OTC: variants seen among roughly 807,000 people sequenced by gnomAD.
OTC encodes the protein ornithine transcarbamylase, mitochondrial.
In OTC, 3 loss-of-function variants were observed where a neutral mutation model predicts 30.3. That is an observed-to-expected ratio of 0.10 (90% CI 0.05 to 0.26). OTC has a LOEUF of 0.26. OTC is among the 10% of genes least tolerant of loss of function. The pLI is 1.00. For synonymous variants in OTC, 111 were observed against 99.7 expected, an observed-to-expected ratio of 1.11 and a Z score of -0.67; for missense variants, 194 against 260.3, an observed-to-expected ratio of 0.75 and a Z score of 1.75.
the OTC span, among the ~76,000 whole-genome samples, chrX:38,347,028 A>G: frequency 8.9e-6 from 1 of 112,306 alleles, no homozygotes; most frequent in Non-Finnish European, 1.9e-5. Context: ...ATTGATTTCC[A>G]TTTGCAGATA....
chrX:38,342,999 G>T, the OTC span, among the ~76,000 whole-genome samples: 1 of 111,871 alleles, frequency 8.9e-6, no homozygotes, highest in Non-Finnish European at 1.9e-5. Context: ...TCCCAAGTAG[G>T]GTCTGAAGAG....
At chrX:38,379,248 T>C (rs1486449811) in intron 3 of OTC, among the ~76,000 whole-genome samples, 1 of 111,803 alleles carries the variant, frequency 8.9e-6, no homozygotes, top group Non-Finnish European at 1.9e-5. Flanking sequence ...TGTCATTCTG[T>C]CTCTGTAGAT....
chrX:38,332,941 G>T, the OTC span, among the ~76,000 whole-genome samples: 1 of 111,336 alleles, frequency 9.0e-6, no homozygotes, highest in Non-Finnish European at 1.9e-5. Context: ...GTTTCAGGCT[G>T]GGCGCAGTGG....
intron 6 of OTC, among the ~76,000 whole-genome samples, chrX:38,406,517 C>T (rs2068516558): frequency 9.0e-6 from 1 of 111,536 alleles, no homozygotes. Flanking sequence ...GAATTCCTCT[C>T]TGTATTCTAA....
At chrX:38,358,127 G>A (rs941212697) in intron 1 of OTC, among the ~76,000 whole-genome samples, 2 of 111,461 alleles carry the variant, frequency 1.8e-5, no homozygotes, top group African/African-American at 6.5e-5. Flanking sequence ...TCTGGTGCTT[G>A]TGAACCAGAG....
intron 1 of OTC, among the ~76,000 whole-genome samples, chrX:38,362,875 G>A (rs1439306246): frequency 2.7e-5 from 3 of 111,705 alleles, no homozygotes; most frequent in Non-Finnish European, 5.6e-5. Context: ...GGAAATTGGG[G>A]AGAAAAAATT....
At chrX:38,344,858 A>G in the OTC span, among the ~76,000 whole-genome samples, 1 of 110,776 alleles carries the variant, frequency 9.0e-6, no homozygotes, top group African/African-American at 3.3e-5. Flanking sequence ...TATGTAGAAC[A>G]TTCAAAACTA....
intron 9 of OTC, among the ~76,000 whole-genome samples, chrX:38,415,406 T>C: frequency 9.0e-6 from 1 of 111,126 alleles, no homozygotes; most frequent in Non-Finnish European, 1.9e-5. Context: ...ATACAGCTTA[T>C]TTAGAATGGC....
intron 9 of OTC, among the ~76,000 whole-genome samples, chrX:38,414,657 T>C (rs972430096): frequency 8.9e-6 from 1 of 111,823 alleles, no homozygotes; most frequent in Admixed American, 9.5e-5. Flanking sequence ...GCCATAGAGA[T>C]GGCAAATGAG....
intron 1 of OTC, among the ~76,000 whole-genome samples, chrX:38,367,045 G>T (rs1439214380): frequency 8.2e-5 from 9 of 110,407 alleles, no homozygotes; most frequent in African/African-American, 2.6e-4. Context: ...AGGCTTGGTG[G>T]CATGTGCTTG....
At chrX:38,359,415 T>G (rs906166540) in intron 1 of OTC, among the ~76,000 whole-genome samples, 7 of 110,247 alleles carry the variant, frequency 6.3e-5, no homozygotes, top group Non-Finnish European at 1.3e-4. Context: ...CAACATAAAT[T>G]TTGTCTTTTT....
chrX:38,356,188 G>A (rs1362817072), intron 1 of OTC, among the ~76,000 whole-genome samples: 2 of 103,101 alleles, frequency 1.9e-5, no homozygotes, highest in Admixed American at 1.1e-4. Context: ...TAGTAATTGA[G>A]TAACGTAACT....
chrX:38,375,698 T>A lies in OTC; in HGVS notation c.299-5644T>A, dbSNP rs2068343993. Reference sequence around the variant, plus strand: ...TTAGATATATTGAGTTTGAAGTGTCTATTAGACATATAAGCAAAGATGTTA... The same window carrying A: ...TTAGATATATTGAGTTTGAAGTGTCAATTAGACATATAAGCAAAGATGTTA... On this transcript the variant is annotated intron_variant, in intron 3 of 9. Transcript: ENST00000039007. 2.7e-5 allele frequency among the ~76,000 whole-genome samples: 3 copies of A among 111,676 alleles called. No homozygotes were observed. In the South Asian group the frequency reaches 1.1e-3, roughly 43 times the overall value.
chrX:38,375,831 C>CA (rs1268341737), intron 3 of OTC, among the ~76,000 whole-genome samples: 4 of 110,854 alleles, frequency 3.6e-5, no homozygotes, highest in Non-Finnish European at 5.7e-5. Flanking sequence ...GGACTGGATA[C>CA]AATTATAAAG....
At chrX:38,415,974 A>C (rs192515766) in intron 9 of OTC, among the ~76,000 whole-genome samples, 1 of 112,526 alleles carries the variant, frequency 8.9e-6, no homozygotes, top group East Asian at 2.8e-4. Context: ...TTGGTATTGG[A>C]CAGCACAGAC....
chrX:38,328,723 T>C, the OTC span, among the ~76,000 whole-genome samples: 1 of 111,979 alleles, frequency 8.9e-6, no homozygotes, highest in Non-Finnish European at 1.9e-5. Context: ...GGATCAGTTA[T>C]GTGTGTCCCT....
intron 4 of OTC, among the ~76,000 whole-genome samples, chrX:38,398,202 C>T (rs186183465): frequency 8.9e-6 from 1 of 111,937 alleles, no homozygotes; most frequent in East Asian, 2.8e-4. Context: ...TTGACTTCTC[C>T]AATTGTTCTG....
At chrX:38,414,042 G>C (rs757003374) in intron 9 of OTC, among the ~76,000 whole-genome samples, 6 of 111,415 alleles carry the variant, frequency 5.4e-5, no homozygotes, top group Non-Finnish European at 1.1e-4. Context: ...GAGTAGCAAA[G>C]ATCTAGATGA....
chrX:38,415,068 T>C (rs1213072653), intron 9 of OTC, among the ~76,000 whole-genome samples: 1 of 110,197 alleles, frequency 9.1e-6, no homozygotes, highest in African/African-American at 3.3e-5. Context: ...TAAATTATTA[T>C]TATTATTTTA....
Sources: gnomAD v4.1 joint callset for allele counts (sites outside exome capture counted in the v4.1 genomes callset) on GRCh38, gnomAD v4.1.1 for gene constraint, MANE v1.5 for transcripts, NCBI Gene and HGNC (gene_info 2026-07-23, HGNC 2026-07-21) for gene names.